The following EYS variants were observed in gnomAD, a reference collection of about 807,000 sequenced individuals.
EYS encodes EGF-like photoreceptor maintenance factor.
In EYS, 250 loss-of-function variants were observed where a neutral mutation model predicts 282.1. The ratio of observed to expected loss-of-function variants is 0.89; its 90% CI spans 0.80 to 0.98. The LOEUF (loss-of-function observed/expected upper bound fraction) is 0.98. Ranked by LOEUF, EYS falls within the 50% of genes least tolerant of loss-of-function variation. The probability of loss-of-function intolerance (pLI) is 0.00; values close to 1 mark genes in which losing one functional copy is unlikely to be tolerated. For missense variants in EYS, 4,016 were observed against 3,709.0 expected, an observed-to-expected ratio of 1.08 and a Z score of -2.15; for synonymous variants, 1,355 against 1,282.9, an observed-to-expected ratio of 1.06 and a Z score of -1.20.
chr6:65,329,142 G>C (rs1246800462), intron 11 of EYS: 1 of 162,962 alleles, frequency 6.1e-6, no homozygotes, highest in African/African-American at 2.4e-5. Flanking sequence ...AGTATGAAAA[G>C]TCATAAAACC....
At chr6:64,629,989 AG>A (rs1280372922) in intron 22 of EYS, among the ~76,000 whole-genome samples, 18 of 152,318 alleles carry the variant, frequency 1.2e-4, no homozygotes, top group Non-Finnish European at 1.6e-4. Context: ...TGAAGGAGAA[AG>A]GGTTTAGTTT....
chr6:65,295,633 C>T (rs1768639303), intron 12 of EYS: 3 of 525,096 alleles, frequency 5.7e-6, no homozygotes, highest in Non-Finnish European at 1.0e-5. Flanking sequence ...TCAGCCTGAC[C>T]TTATTAGTCT....
At chr6:65,305,568 C>T (rs1338002021) in intron 11 of EYS, among the ~76,000 whole-genome samples, 2 of 152,094 alleles carry the variant, frequency 1.3e-5, no homozygotes, top group East Asian at 1.9e-4. Flanking sequence ...CTCTGTTGGC[C>T]TCTGAAGAGC....
At chr6:65,590,057 A>C (rs1444137800) in intron 2 of EYS, among the ~76,000 whole-genome samples, 2 of 152,100 alleles carry the variant, frequency 1.3e-5, no homozygotes, top group Non-Finnish European at 2.9e-5. Context: ...GGATTACAGC[A>C]CAATACTAGA....
At chr6:64,720,824 T>C (rs370618466) in intron 22 of EYS, among the ~76,000 whole-genome samples, 1 of 152,222 alleles carries the variant, frequency 6.6e-6, no homozygotes, top group Non-Finnish European at 1.5e-5. Context: ...CCTATCTATT[T>C]AGACATTTAT....
intron 22 of EYS, among the ~76,000 whole-genome samples, chr6:64,793,805 T>C (rs1346362581): frequency 1.3e-5 from 2 of 152,156 alleles, no homozygotes; most frequent in African/African-American, 4.8e-5. Context: ...CATCTGTTTT[T>C]TTTTGTTTGT....
intron 33 of EYS, among the ~76,000 whole-genome samples, chr6:64,051,044 C>A (rs779521072): frequency 6.6e-6 from 1 of 151,964 alleles, no homozygotes; most frequent in African/African-American, 2.4e-5. Flanking sequence ...GTAGCTGATA[C>A]GTTGAATGAT....
intron 39 of EYS, among the ~76,000 whole-genome samples, chr6:63,782,069 T>C (rs1770243211): frequency 6.6e-6 from 1 of 152,240 alleles, no homozygotes; most frequent in Admixed American, 6.5e-5. Context: ...TTTGTGTATG[T>C]TGAACTAGCC....
At chr6:64,671,839 T>G (rs1332829770) in intron 22 of EYS, among the ~76,000 whole-genome samples, 1 of 152,158 alleles carries the variant, frequency 6.6e-6, no homozygotes, top group Admixed American at 6.5e-5. Flanking sequence ...TCCCCTGATA[T>G]GCACATGATT....
chr6:65,360,328 T>C (rs1372730394), intron 8 of EYS, among the ~76,000 whole-genome samples: 2 of 151,966 alleles, frequency 1.3e-5, no homozygotes, highest in Non-Finnish European at 2.9e-5. Flanking sequence ...AAACCTTCTA[T>C]GGAAAATTAA....
At chr6:65,604,630 T>C (rs1381223518) in intron 2 of EYS, among the ~76,000 whole-genome samples, 1 of 152,012 alleles carries the variant, frequency 6.6e-6, no homozygotes, top group Non-Finnish European at 1.5e-5. Flanking sequence ...TGAACTCTAG[T>C]TAATGATAGT....
intron 39 of EYS, among the ~76,000 whole-genome samples, chr6:63,780,691 T>C (rs1336793748): frequency 2.0e-5 from 3 of 152,238 alleles, no homozygotes; most frequent in Non-Finnish European, 1.5e-5. Context: ...TCTCCCATTC[T>C]GTAGGTTGCC....
chr6:64,155,883 C>T (rs1357152940), intron 31 of EYS, among the ~76,000 whole-genome samples: 1 of 151,680 alleles, frequency 6.6e-6, no homozygotes, highest in African/African-American at 2.4e-5. Flanking sequence ...CACTGTAGTC[C>T]CCTAACGATA....
chr6:64,960,555 T>C (rs1166121689), intron 14 of EYS, among the ~76,000 whole-genome samples: 1 of 152,218 alleles, frequency 6.6e-6, no homozygotes, highest in African/African-American at 2.4e-5. Flanking sequence ...GTGATTCAAC[T>C]TATATCTACA....
At chr6:63,955,638 A>G (rs1394500871) in intron 35 of EYS, among the ~76,000 whole-genome samples, 2 of 152,206 alleles carry the variant, frequency 1.3e-5, no homozygotes, top group Non-Finnish European at 2.9e-5. Context: ...TACTGCTTAA[A>G]AAAAGAGGAC....
intron 30 of EYS, among the ~76,000 whole-genome samples, chr6:64,269,702 C>T (rs1423213163): frequency 2.0e-5 from 3 of 151,880 alleles, no homozygotes; most frequent in African/African-American, 4.8e-5. Flanking sequence ...ATTTTTGACA[C>T]TACTATATTT....
intron 8 of EYS, among the ~76,000 whole-genome samples, chr6:65,375,747 G>T (rs182127709): frequency 6.6e-6 from 1 of 152,100 alleles, no homozygotes; most frequent in African/African-American, 2.4e-5. Flanking sequence ...AGTATCAATA[G>T]CTGAGTTGCT....
chr6:64,810,876 C>A (rs909616780), intron 22 of EYS, among the ~76,000 whole-genome samples: 1 of 151,652 alleles, frequency 6.6e-6, no homozygotes, highest in African/African-American at 2.4e-5. Context: ...AACTTTGAAG[C>A]AAAAATAGTA....
At position 65,370,983 on chromosome 6, in the gene EYS, A is replaced by G. The variant is rs1049160459; in HGVS notation, c.1299+13403T>C. ...ACTATGTTGTAAACTGGGAAGCCAGATGGCAATAATTGTCAAGAAAAAAAA... is the reference window on the plus strand; with the variant it reads ...ACTATGTTGTAAACTGGGAAGCCAGGTGGCAATAATTGTCAAGAAAAAAAA... On this transcript the variant is annotated intron_variant, in intron 8 of 42. Transcript: ENST00000503581. 2.2e-4 allele frequency among the ~76,000 whole-genome samples: 34 copies of G among 151,838 alleles called. 1 individual carries two copies. The highest frequency in any genetic ancestry group is 2.9e-5 in the Non-Finnish European group (2 of 67,996).
Sources: allele counts gnomAD v4.1 joint callset (sites outside exome capture counted in the v4.1 genomes callset), GRCh38; gene constraint gnomAD v4.1.1; transcripts MANE v1.5; gene names NCBI Gene and HGNC (gene_info 2026-07-23, HGNC 2026-07-21).